The following LRRK1 variants were observed in gnomAD, a reference collection of about 807,000 sequenced individuals.
LRRK1 encodes leucine rich repeat kinase 1.
Under a neutral mutation model 209.1 loss-of-function variants are expected in LRRK1, and 113 were observed. The ratio of observed to expected loss-of-function variants is 0.54; its 90% CI spans 0.46 to 0.63. The LOEUF is 0.63. Ranked by LOEUF, LRRK1 falls within the 30% of genes least tolerant of loss-of-function variation. The pLI is 0.00. For missense variants in LRRK1, 2,284 were observed against 2,632.2 expected (o/e 0.87, Z 2.89); for synonymous variants, 1,144 against 1,099.7 (o/e 1.04, Z -0.80).
intron 2 of LRRK1, among the ~76,000 whole-genome samples, chr15:100,966,112 T>C (rs1302064062): frequency 6.6e-6 from 1 of 152,212 alleles, no homozygotes; most frequent in Non-Finnish European, 1.5e-5. Flanking sequence ...AACTGAATAA[T>C]CTCAAATAGT....
intron 2 of LRRK1, among the ~76,000 whole-genome samples, chr15:100,931,331 C>G (rs2141598087): frequency 6.6e-6 from 1 of 152,316 alleles, no homozygotes; most frequent in Non-Finnish European, 1.5e-5. Context: ...AATCACCTAC[C>G]TGGTCGTTTC....
intron 3 of LRRK1, among the ~76,000 whole-genome samples, chr15:100,982,062 G>T (rs375590705): frequency 6.7e-6 from 1 of 149,612 alleles, no homozygotes; most frequent in Non-Finnish European, 1.5e-5. Flanking sequence ...GGGGGCACTC[G>T]CCATCCCTGG....
At chr15:101,068,357 C>T (rs1047899881) in intron 33 of LRRK1, among the ~76,000 whole-genome samples, 1 of 152,234 alleles carries the variant, frequency 6.6e-6, no homozygotes, top group South Asian at 2.1e-4. Flanking sequence ...TTTCTGGACG[C>T]TTTGGGAGCT....
At chr15:100,960,705 G>A (rs28366713) in intron 2 of LRRK1, among the ~76,000 whole-genome samples, 3 of 152,124 alleles carry the variant, frequency 2.0e-5, no homozygotes, top group African/African-American at 7.2e-5. Flanking sequence ...AGCAAGCTGT[G>A]TCCCCAGGGT....
Position 101,075,507 on chromosome 15 carries a change from C to T in LRRK1, c.*6659C>T, listed in dbSNP as rs1167148478. The T allele has an allele frequency of 8.4e-6, 1 of 119,754 alleles. No homozygotes were observed. Among genetic ancestry groups the T allele is most frequent in the African/African-American group, 4.4e-5 (1 of 22,514 alleles). The allele number at this position is 119,754 out of a possible 1,614,324, so 7.4% of individuals were successfully genotyped here. On this transcript the variant is annotated 3_prime_UTR_variant, in exon 34 of 34. Transcript: ENST00000388948. ...TACCATCTCATCGAAACCTAATCAC[C>T]CTTACCCCGCTCAACACCAATATCC...
intron 5 of LRRK1, 49 bp downstream of exon 5, chr15:100,988,862 C>T (rs1454425718): frequency 1.4e-6 from 2 of 1,458,804 alleles, no homozygotes; most frequent in East Asian, 2.3e-5. Flanking sequence ...CAAACCATCT[C>T]AGCCTCCAGA....
intron 22 of LRRK1, 112 bp from the exon 23 acceptor site, chr15:101,049,532 A>G: frequency 2.4e-6 from 3 of 1,256,466 alleles, no homozygotes; most frequent in Admixed American, 2.2e-5. Flanking sequence ...TGCAGGGCAC[A>G]GAGTCTCTCC....
At chr15:101,067,284 C>G (rs2036584971) in intron 33 of LRRK1, 4 of 456,168 alleles carry the variant, frequency 8.8e-6, no homozygotes, top group Non-Finnish European at 1.8e-5. Context: ...GCAGGGTGGC[C>G]TGTCCGGGAC....
At chr15:101,044,899 A>AAGAC (rs1259101301) in intron 20 of LRRK1, among the ~76,000 whole-genome samples, 2 of 152,232 alleles carry the variant, frequency 1.3e-5, no homozygotes, top group African/African-American at 4.8e-5. Context: ...GTAAAGGAAT[A>AAGAC]AGACAGGACA....
intron 2 of LRRK1, among the ~76,000 whole-genome samples, chr15:100,925,542 G>A (rs1567181731): frequency 6.6e-6 from 1 of 152,136 alleles, no homozygotes; most frequent in Non-Finnish European, 1.5e-5. Context: ...TGTAATGCAG[G>A]TTTACAGAAG....
At chr15:101,053,146 C>T (rs1389894051) in intron 25 of LRRK1, 58 bp downstream of exon 25, 1 of 1,588,788 alleles carries the variant, frequency 6.3e-7, no homozygotes, top group African/African-American at 1.3e-5. Flanking sequence ...CGGGTCTAAG[C>T]TCTGTGCGGC....
chr15:101,044,657 A>G (rs1204837221), intron 20 of LRRK1, among the ~76,000 whole-genome samples: 2 of 152,256 alleles, frequency 1.3e-5, no homozygotes, highest in Non-Finnish European at 2.9e-5. Context: ...GCCACCGCAC[A>G]TCGTGCTGGG....
chr15:101,012,921 C>G (rs2033341210), intron 10 of LRRK1, among the ~76,000 whole-genome samples: 1 of 152,058 alleles, frequency 6.6e-6, no homozygotes, highest in Non-Finnish European at 1.5e-5. Flanking sequence ...GGTCCCACAT[C>G]ATACTCCTCG....
At chr15:101,033,281 A>C (rs764470331) in intron 20 of LRRK1, among the ~76,000 whole-genome samples, 4 of 152,170 alleles carry the variant, frequency 2.6e-5, no homozygotes, top group African/African-American at 9.7e-5. Context: ...TGTTGGTATC[A>C]TTTCAAGTCC....
intron 21 of LRRK1, 70 bp from the exon 22 acceptor site, chr15:101,048,424 C>T: frequency 7.0e-7 from 1 of 1,429,288 alleles, no homozygotes; most frequent in South Asian, 1.3e-5. Context: ...AGCCCGGCCT[C>T]TGCAGAGCTC....
rs1285188549 is a variant in LRRK1, at chr15:101,074,711, G to C, written c.*5863G>C. ...TTGCAATTCCTTGCCTCCACTGTGA[G>C]ACAAACCCCAGCCACATCTCCAGCA... On this transcript the variant is annotated 3_prime_UTR_variant, in exon 34 of 34. Coordinates refer to ENST00000388948, the MANE Select transcript of LRRK1 (RefSeq NM_024652.6). 3 of 152,076 alleles carry C rather than the reference G, an allele frequency of 2.0e-5. No individual in the cohort carries two copies. Among genetic ancestry groups the C allele is most frequent in the African/African-American group, 7.2e-5 (3 of 41,394 alleles). The allele number at this position is 152,076 out of a possible 1,614,324, so 9.4% of individuals were successfully genotyped here.
At chr15:100,960,441 GTGTT>G (rs886887867) in intron 2 of LRRK1, among the ~76,000 whole-genome samples, 2 of 152,100 alleles carry the variant, frequency 1.3e-5, no homozygotes, top group Non-Finnish European at 2.9e-5. Context: ...CTGTGTGTGT[GTGTT>G]TATCTTCGAA....
At position 101,022,342 on chromosome 15, in the gene LRRK1, G is replaced by A. The variant is rs374453647; in HGVS notation, c.1853-41G>A. 5.1e-6 allele frequency: 8 copies of A among 1,574,936 alleles called. No homozygotes were observed. In the African/African-American group the frequency reaches 1.1e-4, roughly 21 times the overall value. Reference sequence around the variant, plus strand: ...TTTGTGTCCTAAGAGATGTGAGCATGTGCCCACGCAGCTACCCTTCCCCTT... The same window carrying A: ...TTTGTGTCCTAAGAGATGTGAGCATATGCCCACGCAGCTACCCTTCCCCTT... On this transcript the variant is annotated intron_variant, in intron 14 of 33. Coordinates refer to ENST00000388948, the MANE Select transcript of LRRK1 (RefSeq NM_024652.6). This position sits in a 1 kb window ranked among gnomAD's most constrained non-coding sequence, Gnocchi z 4.0.
chr15:100,992,660 T>G (rs913578301), intron 6 of LRRK1, among the ~76,000 whole-genome samples: 12 of 152,138 alleles, frequency 7.9e-5, no homozygotes, highest in African/African-American at 2.7e-4. Context: ...GGGTTTTGTT[T>G]TGTTTTGTTT....
Sources: allele counts gnomAD v4.1 joint callset (sites outside exome capture counted in the v4.1 genomes callset), GRCh38; gene constraint gnomAD v4.1.1; non-coding constraint Gnocchi (gnomAD v3.1); transcripts MANE v1.5; gene names NCBI Gene and HGNC (gene_info 2026-07-23, HGNC 2026-07-21).